BCL11B: variants seen among roughly 807,000 people sequenced by gnomAD.
The protein encoded by BCL11B is B-cell lymphoma/leukemia 11B.
BCL11B carries 8 observed loss-of-function variants against 49.9 expected under a neutral mutation model. The observed-to-expected ratio is 0.16, with a 90% CI of 0.09 to 0.29. BCL11B has a LOEUF of 0.29. BCL11B is among the 10% of genes least tolerant of loss of function. The probability of loss-of-function intolerance (pLI) is 1.00; values close to 1 mark genes in which losing one functional copy is unlikely to be tolerated. For missense variants in BCL11B, 1,006 were observed against 1,351.0 expected (o/e 0.74, Z 4.00); for synonymous variants, 739 against 637.4 (o/e 1.16, Z -2.40).
At chr14:99,190,593 A>G (rs921598299) in intron 3 of BCL11B, among the ~76,000 whole-genome samples, 2 of 152,126 alleles carry the variant, frequency 1.3e-5, no homozygotes, top group Admixed American at 1.3e-4. Context: ...GGGGAAAAAA[A>G]TCTCTAAGGG....
chr14:99,253,980 G>A (rs544072102), intron 2 of BCL11B, among the ~76,000 whole-genome samples: 1 of 152,308 alleles, frequency 6.6e-6, no homozygotes, highest in East Asian at 1.9e-4. Context: ...AATTTCCAAG[G>A]ACCTCCTCCG....
At chr14:99,198,849 C>T (rs189483880) in intron 3 of BCL11B, among the ~76,000 whole-genome samples, 39 of 152,236 alleles carry the variant, frequency 2.6e-4, no homozygotes, top group African/African-American at 8.9e-4. Flanking sequence ...GAAAACTCTT[C>T]GGCGAATGGG....
chr14:99,249,310 T>C (rs982922848), intron 2 of BCL11B, among the ~76,000 whole-genome samples: 15 of 152,316 alleles, frequency 9.8e-5, no homozygotes, highest in Middle Eastern at 3.4e-3. Flanking sequence ...TAATTTTAAG[T>C]TCTGGGGTAC....
At chr14:99,189,721 G>C (rs944984215) in intron 3 of BCL11B, among the ~76,000 whole-genome samples, 8 of 152,166 alleles carry the variant, frequency 5.3e-5, no homozygotes, top group African/African-American at 1.9e-4. Context: ...CCACACCAAG[G>C]GGCAGAAGGA....
At chr14:99,185,046 G>A (rs1479317656) in intron 3 of BCL11B, among the ~76,000 whole-genome samples, 2 of 152,148 alleles carry the variant, frequency 1.3e-5, no homozygotes, top group Admixed American at 6.5e-5. Flanking sequence ...GGGGGTCAGG[G>A]AGTGGGAGTG....
chr14:99,233,137 C>A (rs1888386647), intron 2 of BCL11B, among the ~76,000 whole-genome samples: 1 of 152,202 alleles, frequency 6.6e-6, no homozygotes, highest in South Asian at 2.1e-4. Context: ...GGACCTGCCT[C>A]CTCCTGGAAG....
chr14:99,212,531 G>C (rs1887717151), intron 3 of BCL11B, among the ~76,000 whole-genome samples: 1 of 152,130 alleles, frequency 6.6e-6, no homozygotes, highest in South Asian at 2.1e-4. Context: ...GGACAAACAG[G>C]GTCCAGGCTA....
At chr14:99,185,374 T>G (rs1424663404) in intron 3 of BCL11B, among the ~76,000 whole-genome samples, 4 of 147,732 alleles carry the variant, frequency 2.7e-5, no homozygotes, top group African/African-American at 7.5e-5. Flanking sequence ...GAGGCGGAGG[T>G]TGCGGTGAGC....
intron 3 of BCL11B, among the ~76,000 whole-genome samples, chr14:99,188,655 G>C (rs1429488076): frequency 6.6e-6 from 1 of 152,218 alleles, no homozygotes; most frequent in Non-Finnish European, 1.5e-5. Flanking sequence ...GAAGGACAAG[G>C]CTGGCCATAG....
At chr14:99,256,113 C>A (rs1024355018) in intron 2 of BCL11B, among the ~76,000 whole-genome samples, 1 of 152,212 alleles carries the variant, frequency 6.6e-6, no homozygotes, top group Non-Finnish European at 1.5e-5. Context: ...TGCAGCATTA[C>A]CCTGACTGCG....
intron 2 of BCL11B, among the ~76,000 whole-genome samples, chr14:99,243,018 G>C (rs1888715416): frequency 6.6e-6 from 1 of 152,180 alleles, no homozygotes; most frequent in Non-Finnish European, 1.5e-5. Flanking sequence ...AAGACTGCTT[G>C]CTGTATGCAT....
chr14:99,257,634 G>A lies in BCL11B; in HGVS notation c.264C>T (p.Cys88=). 1 of 1,613,582 alleles carries A rather than the reference G, an allele frequency of 6.2e-7. No individual in the cohort carries two copies. The highest frequency in any genetic ancestry group is 1.3e-5 in the African/African-American group (1 of 75,018). ...RKQCGGSLGA[C]YDKALDKDSP... ...TGTCCTTGTCCAGGGCCTTGTCATA[G>A]CAGGCACCCAAGCTGCCGCCACACT... The change falls in exon 2 of 4, where the codon TGC becomes TGT. Residue 88 remains cysteine, a synonymous_variant. Transcript: ENST00000357195. This position sits in a 1 kb window ranked among gnomAD's most constrained non-coding sequence, Gnocchi z 6.2.
intron 3 of BCL11B, among the ~76,000 whole-genome samples, chr14:99,181,669 G>A (rs931936335): frequency 6.6e-6 from 1 of 152,230 alleles, no homozygotes; most frequent in African/African-American, 2.4e-5. Context: ...CCCTGGAGAG[G>A]AGAAGGGGAG....
In BCL11B at chr14:99,231,385, A is replaced by C; in HGVS notation, c.600T>G (p.Gly200=). The C allele has an allele frequency of 6.2e-7, 1 of 1,602,994 alleles. No individual in the cohort carries two copies. The highest frequency in any genetic ancestry group is 8.5e-7 in the Non-Finnish European group (1 of 1,175,216). ...PVSGDGTQGE[G]QTEAPFGCQC... is the part of the protein sequence containing the mutation. ...GGCATCCAAAGGGAGCCTCCGTCTG[A>C]CCCTCACCCTGAGTCCCGTCACCCG... The change falls in exon 3 of 4, where the codon GGT becomes GGG. Residue 200 remains glycine (G), a synonymous_variant. Transcript: ENST00000357195. This position sits in a 1 kb window ranked among gnomAD's most constrained non-coding sequence, Gnocchi z 8.1.
chr14:99,247,682 T>C lies in BCL11B; in HGVS notation c.427+9789A>G, dbSNP rs1022078713. ...GTAGACGCGTGTTTTCTGGACACTCTTGTGGATTGGACGGATGGCTTCATC... is the reference window on the plus strand; with the variant it reads ...GTAGACGCGTGTTTTCTGGACACTCCTGTGGATTGGACGGATGGCTTCATC... On this transcript the variant is annotated intron_variant, in intron 2 of 3. Transcript: ENST00000357195. The surrounding 1 kb of genome is among the most constrained non-coding windows in gnomAD (Gnocchi z 4.5). 6.6e-6 allele frequency among the ~76,000 whole-genome samples: 1 copy of C among 152,232 alleles called. No homozygotes were observed. Among genetic ancestry groups the C allele is most frequent in the Non-Finnish European group, 1.5e-5 (1 of 68,042 alleles).
chr14:99,200,708 C>T (rs919571334), intron 3 of BCL11B, among the ~76,000 whole-genome samples: 9 of 152,226 alleles, frequency 5.9e-5, no homozygotes, highest in Admixed American at 2.6e-4. Flanking sequence ...CCTGGCATGG[C>T]GCAGGAGGCT....
intron 3 of BCL11B, among the ~76,000 whole-genome samples, chr14:99,226,336 C>T (rs1888160130): frequency 1.3e-5 from 2 of 152,198 alleles, no homozygotes; most frequent in Non-Finnish European, 2.9e-5. Flanking sequence ...GCTGTCCACA[C>T]ACGCTCACTC....
In BCL11B at chr14:99,262,465, T is replaced by C. The variant is rs141196932; in HGVS notation, c.59-4626A>G. On this transcript the variant is annotated intron_variant, in intron 1 of 3. Coordinates refer to ENST00000357195, the MANE Select transcript of BCL11B (RefSeq NM_138576.4). This position sits in a 1 kb window ranked among gnomAD's most constrained non-coding sequence, Gnocchi z 4.2. ...CCAGGAGAAACATACACAGAATTATTGTTTCAGTGATGACGGGGGTGGGAA... is the reference window on the plus strand; with the variant it reads ...CCAGGAGAAACATACACAGAATTATCGTTTCAGTGATGACGGGGGTGGGAA... Among the ~76,000 whole-genome samples, 1 of 152,134 alleles carries C rather than the reference T, an allele frequency of 6.6e-6. No homozygotes were observed. Among genetic ancestry groups the C allele is most frequent in the East Asian group, 1.9e-4 (1 of 5,166 alleles).
chr14:99,219,894 C>A (rs1386259521), intron 3 of BCL11B, among the ~76,000 whole-genome samples: 1 of 151,978 alleles, frequency 6.6e-6, no homozygotes, highest in Non-Finnish European at 1.5e-5. Context: ...GATTCAAGAC[C>A]CTCAACTAAA....
Sources: gnomAD v4.1 joint callset for allele counts (sites outside exome capture counted in the v4.1 genomes callset) on GRCh38, gnomAD v4.1.1 for gene constraint, Gnocchi (gnomAD v3.1) non-coding constraint, MANE v1.5 for transcripts, NCBI Gene and HGNC (gene_info 2026-07-23, HGNC 2026-07-21) for gene names.